Variants in KHDRBS3 observed in about 807,000 individuals in gnomAD.
The protein encoded by KHDRBS3 is KH RNA binding domain containing, signal transduction associated 3.
In KHDRBS3, 23 loss-of-function variants were observed where a neutral mutation model predicts 45.6. That is an observed-to-expected ratio of 0.50 (90% confidence interval 0.36 to 0.72). KHDRBS3 has a LOEUF of 0.72. Among genes scored for constraint, KHDRBS3 ranks in the 30% least tolerant of loss-of-function variants. KHDRBS3 has a pLI of 0.00. For missense variants in KHDRBS3, 352 were observed against 424.8 expected (o/e 0.83, Z 1.51); for synonymous variants, 162 against 156.5 (o/e 1.04, Z -0.26).
chr8:135,642,879 G>A (rs1241544926), intron 7 of KHDRBS3, among the ~76,000 whole-genome samples: 2 of 150,884 alleles, frequency 1.3e-5, no homozygotes, highest in East Asian at 2.0e-4. Context: ...TGCAACGTCC[G>A]CCTCCTGGGT....
intron 6 of KHDRBS3, among the ~76,000 whole-genome samples, chr8:135,584,815 C>T (rs1196402386): frequency 6.6e-6 from 1 of 152,180 alleles, no homozygotes; most frequent in African/African-American, 2.4e-5. Context: ...TCTGGCATAA[C>T]TTCAGACCTT....
chr8:135,549,609 A>C (rs947013768), intron 4 of KHDRBS3: 7 of 152,194 alleles, frequency 4.6e-5, no homozygotes, highest in African/African-American at 1.7e-4. Context: ...AAAAGGACTT[A>C]TTATGTCATT....
intron 5 of KHDRBS3, among the ~76,000 whole-genome samples, chr8:135,559,618 C>T (rs1176772186): frequency 6.6e-6 from 1 of 152,144 alleles, no homozygotes; most frequent in East Asian, 1.9e-4. Context: ...GCCTTGGCCT[C>T]CCAAAGTGCT....
At chr8:135,573,004 C>G (rs759998414) in intron 5 of KHDRBS3, among the ~76,000 whole-genome samples, 1 of 152,162 alleles carries the variant, frequency 6.6e-6, no homozygotes, top group Non-Finnish European at 1.5e-5. Flanking sequence ...ATACAGTTAC[C>G]CCTCAGGTGC....
intron 7 of KHDRBS3, chr8:135,625,708 G>A (rs1830328088): frequency 3.8e-6 from 3 of 783,440 alleles, no homozygotes; most frequent in Non-Finnish European, 6.9e-6. Flanking sequence ...TTGTCCACAG[G>A]AATTATTTTG....
chr8:135,632,146 T>C (rs1830630964), intron 7 of KHDRBS3, among the ~76,000 whole-genome samples: 1 of 152,238 alleles, frequency 6.6e-6, no homozygotes, highest in Admixed American at 6.5e-5. Flanking sequence ...CACTTGATCT[T>C]CTTCTACTTT....
chr8:135,493,525 T>G (rs1823263811), intron 1 of KHDRBS3, among the ~76,000 whole-genome samples: 1 of 152,184 alleles, frequency 6.6e-6, no homozygotes, highest in Non-Finnish European at 1.5e-5. Context: ...TATTTTAAAA[T>G]ACTTTTCTGC....
At chr8:135,472,377 G>A (rs1822060394) in intron 1 of KHDRBS3, among the ~76,000 whole-genome samples, 2 of 152,180 alleles carry the variant, frequency 1.3e-5, no homozygotes, top group Admixed American at 6.5e-5. Context: ...TGAGGATTCA[G>A]TGACCTGCAT....
At chr8:135,506,021 G>A (rs967871620) in intron 1 of KHDRBS3, among the ~76,000 whole-genome samples, 2 of 152,180 alleles carry the variant, frequency 1.3e-5, no homozygotes, top group Non-Finnish European at 2.9e-5. Flanking sequence ...CCAGGACAGC[G>A]TATAGGCGGG....
At chr8:135,625,845 T>A in intron 7 of KHDRBS3, 1 of 769,130 alleles carries the variant, frequency 1.3e-6, no homozygotes, top group Non-Finnish European at 2.4e-6. Context: ...GTCCATAAAC[T>A]GACACTAGGC....
chr8:135,628,924 G>A (rs543292243), intron 7 of KHDRBS3, among the ~76,000 whole-genome samples: 1 of 152,302 alleles, frequency 6.6e-6, no homozygotes, highest in Admixed American at 6.5e-5. Context: ...AGGTTATTCA[G>A]GTTTCATCCC....
chr8:135,628,337 T>C (rs1830460023), intron 7 of KHDRBS3, among the ~76,000 whole-genome samples: 1 of 152,174 alleles, frequency 6.6e-6, no homozygotes, highest in Non-Finnish European at 1.5e-5. Flanking sequence ...TCTGTAAATA[T>C]CTGCTGAACA....
rs1830380001 is a variant in KHDRBS3 at position 135,626,718 on chromosome 8, G to A, written c.891-18341G>A. Among the ~76,000 whole-genome samples, 4 of 151,334 alleles carry A rather than the reference G, an allele frequency of 2.6e-5. No homozygotes were observed. The South Asian group carries it at 6.3e-4, about 24-fold the overall frequency. On this transcript the variant is annotated intron_variant, in intron 7 of 8. Transcript: ENST00000355849. Reference sequence around the variant, plus strand: ...ACTTGGGAGGCTGAGGCAGGAGAATGGCGTGAACCCGGGAGGCGGAGCTTG... The same window carrying A: ...ACTTGGGAGGCTGAGGCAGGAGAATAGCGTGAACCCGGGAGGCGGAGCTTG...
intron 1 of KHDRBS3, among the ~76,000 whole-genome samples, chr8:135,518,420 C>T (rs1814806): frequency 0.55 from 84,016 of 151,802 alleles, 24,327 homozygotes; most frequent in East Asian, 0.78. Flanking sequence ...GTGATCCACC[C>T]GCCTCGGCCT....
intron 5 of KHDRBS3, among the ~76,000 whole-genome samples, chr8:135,581,340 G>A (rs538491160): frequency 7.9e-5 from 12 of 152,292 alleles, no homozygotes; most frequent in African/African-American, 2.9e-4. Flanking sequence ...AAATGCCTGT[G>A]TTTACTTAAC....
At chr8:135,626,995 T>C (rs963175747) in intron 7 of KHDRBS3, among the ~76,000 whole-genome samples, 17 of 152,180 alleles carry the variant, frequency 1.1e-4, no homozygotes, top group African/African-American at 3.9e-4. Flanking sequence ...TGCCGTTTTC[T>C]GTTAAAATAA....
At chr8:135,650,751 A>T (rs1004711298), downstream of KHDRBS3, among the ~76,000 whole-genome samples, 4 of 152,178 alleles carry the variant, frequency 2.6e-5, no homozygotes, top group African/African-American at 9.7e-5. Flanking sequence ...TATCCCAGAG[A>T]GTATCTCACA....
chr8:135,577,022 T>C (rs982484661), intron 5 of KHDRBS3, among the ~76,000 whole-genome samples: 5 of 152,140 alleles, frequency 3.3e-5, no homozygotes, highest in Non-Finnish European at 5.9e-5. Flanking sequence ...AGGATACATG[T>C]ACAGTGACAT....
chr8:135,503,160 CATA>C (rs1325825839), intron 1 of KHDRBS3, among the ~76,000 whole-genome samples: 1 of 152,168 alleles, frequency 6.6e-6, no homozygotes, highest in Non-Finnish European at 1.5e-5. Context: ...ACAGGAATAA[CATA>C]GTAGACAAAA....
Sources: allele counts gnomAD v4.1 joint callset (sites outside exome capture counted in the v4.1 genomes callset), GRCh38; gene constraint gnomAD v4.1.1; transcripts MANE v1.5; gene names NCBI Gene and HGNC (gene_info 2026-07-23, HGNC 2026-07-21).